The following CACNG3 variants were observed in gnomAD, a reference collection of about 807,000 sequenced individuals.
The protein encoded by CACNG3 is calcium voltage-gated channel auxiliary subunit gamma 3, also known as voltage-dependent calcium channel gamma-3 subunit.
CACNG3 carries 3 observed loss-of-function variants against 28.5 expected under a neutral mutation model. That is an observed-to-expected ratio of 0.11 (90% CI 0.05 to 0.27). The LOEUF (loss-of-function observed/expected upper bound fraction) is 0.27. CACNG3 is among the 10% of genes least tolerant of loss of function. The pLI is 1.00. For missense variants in CACNG3, 236 were observed against 414.4 expected (o/e 0.57, Z 3.74); for synonymous variants, 174 against 162.2 (o/e 1.07, Z -0.55).
Position 24,346,795 on chromosome 16 carries a change from G to C in CACNG3, c.273G>C (p.Gln91His). Residue 91 changes from glutamine (Q) to histidine (H), a missense_variant, in exon 2 of 4, where the codon CAG becomes CAC. By Grantham distance (24) the Gln-to-His change is conservative (BLOSUM62 0). Transcript: ENST00000005284. ...DHFPEDADYE[Q>H]DTAEYLLRAV... ...TCCCTGAAGATGCTGACTACGAACA[G>C]GACACAGCCGAATATCTCCTGCGTA... is the stretch of plus-strand genomic sequence containing the variant. The C allele has an allele frequency of 6.2e-7, 1 of 1,614,114 alleles. No individual in the cohort carries two copies. Among genetic ancestry groups the C allele is most frequent in the Non-Finnish European group, 8.5e-7 (1 of 1,179,928 alleles).
At chr16:24,267,669 CATTTGTTT>C (rs1241843410) in intron 1 of CACNG3, among the ~76,000 whole-genome samples, 2 of 151,700 alleles carry the variant, frequency 1.3e-5, no homozygotes, top group Non-Finnish European at 2.9e-5. Flanking sequence ...ATTGTGCATT[CATTTGTTT>C]GTTTGTTTTT....
At chr16:24,305,292 A>C (rs969323347) in intron 1 of CACNG3, among the ~76,000 whole-genome samples, 38 of 151,710 alleles carry the variant, frequency 2.5e-4, no homozygotes, top group Admixed American at 1.5e-3. Context: ...AAAAGTATAT[A>C]TATATATACA....
At chr16:24,338,199 A>G (rs76556899) in intron 1 of CACNG3, among the ~76,000 whole-genome samples, 2,134 of 152,138 alleles carry the variant, frequency 0.014, 56 homozygotes, top group African/African-American at 0.046. Flanking sequence ...GACTCTTCAT[A>G]TAACTGGCTC....
At chr16:24,284,173 T>C (rs1052198233) in intron 1 of CACNG3, among the ~76,000 whole-genome samples, 1 of 152,210 alleles carries the variant, frequency 6.6e-6, no homozygotes, top group African/African-American at 2.4e-5. Flanking sequence ...TAATTTAGGA[T>C]TTTTCTATAC....
At position 24,256,751 on chromosome 16, in the gene CACNG3, A is replaced by G. The variant is rs766905446; in HGVS notation, c.-4A>G. 6.2e-7 allele frequency: 1 copy of G among 1,604,422 alleles called. No homozygotes were observed. The highest frequency in any genetic ancestry group is 1.3e-5 in the African/African-American group (1 of 74,714). The stretch of plus-strand genomic sequence containing the variant: ...CCCAGCCGTCCAGAGTACCATGAAG[A>G]ATTATGAGGATGTGTGACAGAGGTA... On this transcript the variant is annotated 5_prime_UTR_variant, in exon 1 of 4. Transcript: ENST00000005284. The surrounding 1 kb of genome is among the most constrained non-coding windows in gnomAD (Gnocchi z 4.6).
rs534166294 is a variant in CACNG3, at chr16:24,313,891, C to T, written c.212-32843C>T. 1.4e-4 allele frequency among the ~76,000 whole-genome samples: 22 copies of T among 151,966 alleles called. No homozygotes were observed. In the South Asian group the frequency reaches 2.1e-3, roughly 14 times the overall value. ...TCCCGAGTAGCTGGGATTACAGGTGCGCACCACCACACCTGGCTAATTTTT... is the reference window on the plus strand; with the variant it reads ...TCCCGAGTAGCTGGGATTACAGGTGTGCACCACCACACCTGGCTAATTTTT... On this transcript the variant is annotated intron_variant, in intron 1 of 3. Coordinates refer to ENST00000005284, the MANE Select transcript of CACNG3 (RefSeq NM_006539.4).
At chr16:24,339,598 C>G (rs936869178) in intron 1 of CACNG3, among the ~76,000 whole-genome samples, 7 of 152,146 alleles carry the variant, frequency 4.6e-5, no homozygotes, top group Non-Finnish European at 8.8e-5. Flanking sequence ...GCTGGCCAGG[C>G]TGGCCTCGAA....
chr16:24,305,365 TG>T (rs1382127344), intron 1 of CACNG3, among the ~76,000 whole-genome samples: 5 of 142,036 alleles, frequency 3.5e-5, no homozygotes, highest in Non-Finnish European at 7.7e-5. Flanking sequence ...TGTGTGTGTG[TG>T]TAGACAGGTT....
intron 1 of CACNG3, among the ~76,000 whole-genome samples, chr16:24,286,790 A>G (rs1294244711): frequency 6.6e-6 from 1 of 152,204 alleles, no homozygotes; most frequent in Non-Finnish European, 1.5e-5. Flanking sequence ...GGTAGGTGGT[A>G]TAGCTGGGAT....
intron 3 of CACNG3, among the ~76,000 whole-genome samples, chr16:24,360,364 C>A (rs1272991419): frequency 6.6e-6 from 1 of 152,214 alleles, no homozygotes; most frequent in Non-Finnish European, 1.5e-5. Flanking sequence ...GATTCCTCTC[C>A]AGTGGGCTAA....
At chr16:24,258,269 C>A (rs1161162867) in intron 1 of CACNG3, among the ~76,000 whole-genome samples, 1 of 152,186 alleles carries the variant, frequency 6.6e-6, no homozygotes, top group Admixed American at 6.5e-5. Flanking sequence ...ACACTTTGAA[C>A]AACTGCTCTC....
chr16:24,332,464 C>CCA (rs553770737), intron 1 of CACNG3, among the ~76,000 whole-genome samples: 2 of 135,480 alleles, frequency 1.5e-5, no homozygotes, highest in African/African-American at 5.5e-5. Flanking sequence ...GACCCTGTCT[C>CCA]AAAAAAAAAA....
chr16:24,359,305 G>A (rs970182065), intron 3 of CACNG3, among the ~76,000 whole-genome samples: 12 of 152,160 alleles, frequency 7.9e-5, no homozygotes, highest in Non-Finnish European at 4.4e-5. Flanking sequence ...TAATATAAAA[G>A]AATATGTCTT....
chr16:24,297,882 G>T (rs1167262090), intron 1 of CACNG3, among the ~76,000 whole-genome samples: 1 of 152,094 alleles, frequency 6.6e-6, no homozygotes, highest in Non-Finnish European at 1.5e-5. Flanking sequence ...CCTTGAGAAA[G>T]GGGGAAAGAC....
chr16:24,294,418 G>A (rs1899003603), intron 1 of CACNG3, among the ~76,000 whole-genome samples: 1 of 152,176 alleles, frequency 6.6e-6, no homozygotes. Flanking sequence ...TGTCTGTTCT[G>A]ATGGGCAGAA....
At chr16:24,291,873 T>C (rs1377696895) in intron 1 of CACNG3, among the ~76,000 whole-genome samples, 1 of 152,130 alleles carries the variant, frequency 6.6e-6, no homozygotes, top group African/African-American at 2.4e-5. Context: ...TGTTAGCTAT[T>C]AACGTCAAGG....
intron 1 of CACNG3, among the ~76,000 whole-genome samples, chr16:24,327,443 TATATATATATATACAC>T (rs1366494237): frequency 1.1e-5 from 1 of 87,956 alleles, no homozygotes; most frequent in African/African-American, 4.8e-5. Context: ...TGTGTGTATA[TATATATATATATACAC>T]ACACACACAC....
At chr16:24,315,481 C>CTCTTTCTTTCTTTTCCTGCTT (rs1567216739) in intron 1 of CACNG3, among the ~76,000 whole-genome samples, 3 of 144,824 alleles carry the variant, frequency 2.1e-5, no homozygotes, top group Non-Finnish European at 4.6e-5. Context: ...CTTTCTCTCT[C>CTCTTTCTTTCTTTTCCTGCTT]TCTTTCTTTC....
intron 1 of CACNG3, among the ~76,000 whole-genome samples, chr16:24,286,879 A>T (rs1034652993): frequency 1.3e-5 from 2 of 152,140 alleles, no homozygotes; most frequent in Admixed American, 6.5e-5. Context: ...ACCGTCACTG[A>T]GACTTTCATT....
Sources: gnomAD v4.1 joint callset for allele counts (sites outside exome capture counted in the v4.1 genomes callset) on GRCh38, gnomAD v4.1.1 for gene constraint, Gnocchi (gnomAD v3.1) non-coding constraint, MANE v1.5 for transcripts, NCBI Gene and HGNC (gene_info 2026-07-23, HGNC 2026-07-21) for gene names.